The following PEAK1 variants were observed in gnomAD, a reference collection of about 807,000 sequenced individuals.
PEAK1 encodes the protein inactive tyrosine-protein kinase PEAK1.
In PEAK1, 54 loss-of-function variants were observed where a neutral mutation model predicts 124.7. The observed-to-expected ratio is 0.43, with a 90% CI of 0.35 to 0.54. The LOEUF (loss-of-function observed/expected upper bound fraction) is 0.54. Ranked by LOEUF, PEAK1 falls within the 20% of genes least tolerant of loss-of-function variation. PEAK1 has a pLI of 0.01. For missense variants in PEAK1, 2,046 were observed against 2,134.5 expected (o/e 0.96, Z 0.82); for synonymous variants, 719 against 760.0 (o/e 0.95, Z 0.89).
At chr15:77,239,617 G>A (rs962138468) in intron 6 of PEAK1, among the ~76,000 whole-genome samples, 16 of 152,118 alleles carry the variant, frequency 1.1e-4, no homozygotes, top group African/African-American at 3.6e-4. Context: ...TGAAAAACAT[G>A]GCATAAAGGA....
chr15:77,336,525 T>A, intron 2 of PEAK1: 1 of 985,420 alleles, frequency 1.0e-6, no homozygotes, highest in Non-Finnish European at 1.2e-6. Flanking sequence ...TTGTTGCTTG[T>A]TGCCCACATG....
At chr15:77,333,142 CTTTATTTA>C (rs372151680) in intron 2 of PEAK1, 25 of 961,970 alleles carry the variant, frequency 2.6e-5, no homozygotes, top group South Asian at 9.6e-5. Context: ...AACTAAAACA[CTTTATTTA>C]TTTATTTATT....
In PEAK1 at chr15:77,376,230, CAACA is replaced by C. The variant is rs1270272722; in HGVS notation, c.-665-11009_-665-11006del. ...TTACCATATACCTAACAAAGGCACA[CAACA>C]AACATTTAACAAACAAGTTAATGAC... On this transcript the variant is annotated intron_variant, in intron 1 of 9. Transcript: ENST00000682557. Among the ~76,000 whole-genome samples, 6 of 151,996 alleles carry C rather than the reference CAACA, an allele frequency of 3.9e-5. No homozygotes were observed. In the East Asian group the frequency reaches 5.8e-4, roughly 15 times the overall value.
At chr15:77,224,891 T>C (rs1456559937) in intron 6 of PEAK1, among the ~76,000 whole-genome samples, 1 of 152,022 alleles carries the variant, frequency 6.6e-6, no homozygotes, top group Non-Finnish European at 1.5e-5. Flanking sequence ...TCTCTTTCCA[T>C]TTCCACAGCT....
At chr15:77,330,401 T>C (rs2153031206) in intron 2 of PEAK1, among the ~76,000 whole-genome samples, 1 of 152,312 alleles carries the variant, frequency 6.6e-6, no homozygotes, top group Middle Eastern at 3.4e-3. Flanking sequence ...AAAAAGATCT[T>C]TTAAAATATC....
intron 2 of PEAK1, among the ~76,000 whole-genome samples, chr15:77,332,580 A>G (rs1404069097): frequency 6.6e-6 from 1 of 152,226 alleles, no homozygotes; most frequent in East Asian, 1.9e-4. Flanking sequence ...AGGCTGGGCA[A>G]CAGAGCAAGA....
intron 6 of PEAK1, among the ~76,000 whole-genome samples, chr15:77,241,691 C>T (rs2060364796): frequency 6.7e-6 from 1 of 149,656 alleles, no homozygotes; most frequent in Non-Finnish European, 1.5e-5. Context: ...CTAATAGAAA[C>T]CAAAATTAAA....
intron 8 of PEAK1, among the ~76,000 whole-genome samples, chr15:77,150,781 C>A (rs1338276935): frequency 6.6e-6 from 1 of 151,142 alleles, no homozygotes; most frequent in Non-Finnish European, 1.5e-5. Flanking sequence ...TTTGTCCTTG[C>A]AATAGTTTGC....
At chr15:77,207,026 A>G (rs1210610408) in intron 6 of PEAK1, among the ~76,000 whole-genome samples, 1 of 152,204 alleles carries the variant, frequency 6.6e-6, no homozygotes. Flanking sequence ...AGGATTCCCT[A>G]TTTAATAAAT....
At chr15:77,290,032 G>A (rs546089718) in intron 2 of PEAK1, among the ~76,000 whole-genome samples, 1 of 152,168 alleles carries the variant, frequency 6.6e-6, no homozygotes, top group East Asian at 1.9e-4. Context: ...GCAGTGGCAT[G>A]ATTCAGCTCA....
intron 6 of PEAK1, among the ~76,000 whole-genome samples, chr15:77,197,365 G>C (rs1200881690): frequency 6.6e-6 from 1 of 152,082 alleles, no homozygotes; most frequent in Non-Finnish European, 1.5e-5. Context: ...AAAAACAAGA[G>C]GTGAAATTTA....
At chr15:77,177,012 C>A (rs1266201423) in intron 7 of PEAK1, among the ~76,000 whole-genome samples, 1 of 152,036 alleles carries the variant, frequency 6.6e-6, no homozygotes, top group Non-Finnish European at 1.5e-5. Context: ...GGCTGGAGTG[C>A]AATGGTGTGA....
At chr15:77,283,154 G>T (rs2062756871) in intron 5 of PEAK1, among the ~76,000 whole-genome samples, 1 of 152,138 alleles carries the variant, frequency 6.6e-6, no homozygotes, top group Admixed American at 6.6e-5. Flanking sequence ...ACAGACTTCA[G>T]AAAGGACATA....
intron 6 of PEAK1, among the ~76,000 whole-genome samples, chr15:77,212,124 A>C (rs146180974): frequency 6.6e-6 from 1 of 152,308 alleles, no homozygotes; most frequent in East Asian, 1.9e-4. Flanking sequence ...TTTCAAAATA[A>C]ACTTATAAAG....
intron 5 of PEAK1, chr15:77,278,431 T>C: frequency 2.4e-6 from 1 of 409,158 alleles, no homozygotes; most frequent in Middle Eastern, 4.1e-4. Context: ...AAAGCCCACA[T>C]AACGCACCTA....
chr15:77,371,949 A>T (rs1040173987), intron 1 of PEAK1, among the ~76,000 whole-genome samples: 5 of 152,234 alleles, frequency 3.3e-5, no homozygotes, highest in Non-Finnish European at 7.3e-5. Context: ...TATTTCACGT[A>T]ATTCCTAGCA....
chr15:77,411,567 A>G (rs746010743), intron 1 of PEAK1, among the ~76,000 whole-genome samples: 1 of 152,180 alleles, frequency 6.6e-6, no homozygotes, highest in Non-Finnish European at 1.5e-5. Context: ...TTGAGTTCAT[A>G]GTTTCTCATG....
chr15:77,394,092 T>A (rs1215061057), intron 1 of PEAK1, among the ~76,000 whole-genome samples: 2 of 152,188 alleles, frequency 1.3e-5, no homozygotes, highest in Admixed American at 1.3e-4. Context: ...GTGGCTTGAA[T>A]GCCAGCTCAG....
chr15:77,201,018 A>C (rs2058334420), intron 6 of PEAK1, among the ~76,000 whole-genome samples: 1 of 152,052 alleles, frequency 6.6e-6, no homozygotes. Context: ...GCTCTTTATC[A>C]ACTATGTAGA....
Sources: gnomAD v4.1 joint callset for allele counts (sites outside exome capture counted in the v4.1 genomes callset) on GRCh38, gnomAD v4.1.1 for gene constraint, MANE v1.5 for transcripts, NCBI Gene and HGNC (gene_info 2026-07-23, HGNC 2026-07-21) for gene names.